The following RAB38 variants were observed in gnomAD, a reference collection of about 807,000 sequenced individuals.
RAB38 encodes the protein RAB38, member RAS oncogene family, also known as ras-related protein Rab-38.
In RAB38, 15 loss-of-function variants were observed where a neutral mutation model predicts 18.4. The ratio of observed to expected loss-of-function variants is 0.82; its 90% CI spans 0.55 to 1.26. The LOEUF (loss-of-function observed/expected upper bound fraction) is 1.26. Ranked by LOEUF, RAB38 falls within the 50% of genes most tolerant of loss-of-function variation. The probability of loss-of-function intolerance (pLI) is 0.00; values close to 1 mark genes in which losing one functional copy is unlikely to be tolerated. For missense variants in RAB38, 294 were observed against 267.4 expected (o/e 1.10, Z -0.69); for synonymous variants, 101 against 104.4 (o/e 0.97, Z 0.20).
chr11:88,150,907 T>C (rs1943055811), intron 1 of RAB38, among the ~76,000 whole-genome samples: 1 of 152,178 alleles, frequency 6.6e-6, no homozygotes, highest in Non-Finnish European at 1.5e-5. Context: ...ATCTATTATA[T>C]CGATGCCAGT....
intron 2 of RAB38, among the ~76,000 whole-genome samples, chr11:88,126,581 T>C (rs1180794470): frequency 6.6e-6 from 1 of 152,028 alleles, no homozygotes; most frequent in Non-Finnish European, 1.5e-5. Flanking sequence ...GGGATAGCAT[T>C]AGGAGATATA....
the RAB38 span, among the ~76,000 whole-genome samples, chr11:87,938,495 A>T: frequency 6.6e-6 from 1 of 151,888 alleles, no homozygotes; most frequent in African/African-American, 2.4e-5. Context: ...CCAGTTTCCC[A>T]CTTGCGTTAA....
chr11:88,093,700 A>G, the RAB38 span, among the ~76,000 whole-genome samples: 1 of 152,006 alleles, frequency 6.6e-6, no homozygotes, highest in South Asian at 2.1e-4. Context: ...TTTAAAATCA[A>G]AAGTGACTCC....
At chr11:88,116,622 A>G (rs36045906) in intron 2 of RAB38, among the ~76,000 whole-genome samples, 17,285 of 152,220 alleles carry the variant, frequency 0.11, 1,362 homozygotes, top group African/African-American at 0.22. Flanking sequence ...GATTGTTCAG[A>G]AAACCAGGAA....
At chr11:87,921,261 T>C in the RAB38 span, among the ~76,000 whole-genome samples, 2 of 152,114 alleles carry the variant, frequency 1.3e-5, no homozygotes, top group African/African-American at 4.8e-5. Flanking sequence ...ATTTCGATCA[T>C]TTCCTGGGCT....
chr11:88,142,837 G>A (rs1942933449), intron 2 of RAB38, among the ~76,000 whole-genome samples: 1 of 152,202 alleles, frequency 6.6e-6, no homozygotes, highest in Non-Finnish European at 1.5e-5. Context: ...GTATATGTGA[G>A]AAAAGGCCTT....
the RAB38 span, among the ~76,000 whole-genome samples, chr11:87,969,513 A>G: frequency 9.9e-5 from 15 of 152,188 alleles, no homozygotes; most frequent in Non-Finnish European, 1.9e-4. Flanking sequence ...GGCATTGAGC[A>G]AAAATGATTT....
the RAB38 span, among the ~76,000 whole-genome samples, chr11:88,018,956 A>T: frequency 6.6e-6 from 1 of 151,620 alleles, no homozygotes; most frequent in East Asian, 1.9e-4. Context: ...TTTTAAAACA[A>T]TTTTTTTTAT....
chr11:88,138,167 A>G (rs1942859315), intron 2 of RAB38, among the ~76,000 whole-genome samples: 1 of 152,240 alleles, frequency 6.6e-6, no homozygotes, highest in Admixed American at 6.5e-5. Flanking sequence ...GCATTCAAAA[A>G]AAAATTGCAT....
chr11:87,939,226 G>T, the RAB38 span, among the ~76,000 whole-genome samples: 17 of 152,192 alleles, frequency 1.1e-4, no homozygotes, highest in East Asian at 3.3e-3. Context: ...TCTCATTGGT[G>T]TCTCTTCAAT....
chr11:87,848,667 C>A, the RAB38 span, among the ~76,000 whole-genome samples: 2 of 151,986 alleles, frequency 1.3e-5, no homozygotes, highest in South Asian at 4.1e-4. Context: ...TACATAATAA[C>A]ATTTTGTGTT....
chr11:87,893,974 C>T, the RAB38 span, among the ~76,000 whole-genome samples: 23 of 151,602 alleles, frequency 1.5e-4, no homozygotes, highest in Non-Finnish European at 2.4e-4. Context: ...ATCTTGATAG[C>T]GACTGCATTG....
At chr11:87,865,184 C>G in the RAB38 span, among the ~76,000 whole-genome samples, 1 of 151,426 alleles carries the variant, frequency 6.6e-6, no homozygotes, top group Non-Finnish European at 1.5e-5. Context: ...ATAACATCCC[C>G]CGAAGATGTC....
At chr11:88,117,142 C>T (rs1262572548) in intron 2 of RAB38, among the ~76,000 whole-genome samples, 1 of 152,152 alleles carries the variant, frequency 6.6e-6, no homozygotes, top group African/African-American at 2.4e-5. Context: ...GGAATGACTG[C>T]TTATAGACTA....
chr11:87,951,482 G>T, the RAB38 span, among the ~76,000 whole-genome samples: 1 of 150,074 alleles, frequency 6.7e-6, no homozygotes, highest in African/African-American at 2.5e-5. Context: ...GCTTTTTAGA[G>T]TTTCTGGTTT....
the RAB38 span, among the ~76,000 whole-genome samples, chr11:88,019,081 C>T: frequency 1.3e-5 from 2 of 151,594 alleles, no homozygotes; most frequent in Non-Finnish European, 2.9e-5. Flanking sequence ...CTCTGCAATT[C>T]ATATTTTTTT....
chr11:87,927,288 G>T, the RAB38 span, among the ~76,000 whole-genome samples: 1 of 151,980 alleles, frequency 6.6e-6, no homozygotes, highest in African/African-American at 2.4e-5. Flanking sequence ...AACAGAGCTG[G>T]TGCTCAATAT....
chr11:88,092,529 C>G, the RAB38 span, among the ~76,000 whole-genome samples: 1 of 151,460 alleles, frequency 6.6e-6, no homozygotes, highest in Non-Finnish European at 1.5e-5. Flanking sequence ...ACTATGAGTA[C>G]AGCACCAAGT....
the RAB38 span, among the ~76,000 whole-genome samples, chr11:87,954,352 C>G: frequency 6.6e-6 from 1 of 152,100 alleles, no homozygotes; most frequent in South Asian, 2.1e-4. Flanking sequence ...TCCTCTCTGT[C>G]TCTCCCTTGA....
Sources: allele counts gnomAD v4.1 joint callset (sites outside exome capture counted in the v4.1 genomes callset), GRCh38; gene constraint gnomAD v4.1.1; transcripts MANE v1.5; gene names NCBI Gene and HGNC (gene_info 2026-07-23, HGNC 2026-07-21).